Variants in GPRC5A observed in about 807,000 individuals in gnomAD.
The protein encoded by GPRC5A is retinoic acid-induced protein 3.
Under a neutral mutation model 22.5 loss-of-function variants are expected in GPRC5A, and 19 were observed. That is an observed-to-expected ratio of 0.85 (90% CI 0.59 to 1.24). GPRC5A has a LOEUF of 1.24. Among genes scored for constraint, GPRC5A ranks in the 50% most tolerant of loss-of-function variants. GPRC5A has a pLI of 0.00. For missense variants in GPRC5A, 471 were observed against 451.1 expected, an observed-to-expected ratio of 1.04 and a Z score of -0.40; for synonymous variants, 192 against 184.5, an observed-to-expected ratio of 1.04 and a Z score of -0.33.
At position 12,909,107 on chromosome 12, in the gene GPRC5A, T is replaced by C; in HGVS notation, c.858T>C (p.Pro286=). ...DYPVEDAFCK[P]QLVKKSYGVE... is the part of the protein sequence containing the mutation. ...CTGTTGAGGATGCTTTCTGTAAACC[T>C]CAACTCGTGAAGAAGAGCTATGGTG... is the stretch of plus-strand genomic sequence containing the variant. Residue 286 remains proline (P), a synonymous_variant, in exon 2 of 4, where the codon CCT becomes CCC. Transcript: ENST00000014914. 1 of 1,601,522 alleles carries C rather than the reference T, an allele frequency of 6.2e-7. No homozygotes were observed. The highest frequency in any genetic ancestry group is 1.7e-5 in the Admixed American group (1 of 60,006).
chr12:12,909,952 A>AAAT, intron 2 of GPRC5A: 1 of 151,552 alleles, frequency 6.6e-6, no homozygotes, highest in East Asian at 1.9e-4. Flanking sequence ...AAAAAAAAAA[A>AAAT]AAAAAAAAAA....
chr12:12,898,204 A>G (rs2417237), intron 1 of GPRC5A, among the ~76,000 whole-genome samples: 151,040 of 152,316 alleles, frequency 0.99, 74,896 homozygotes, highest in East Asian at 1. Context: ...CTGTTAAAGG[A>G]AGGCATAATA....
chr12:12,899,339 A>G (rs1348496060), intron 1 of GPRC5A, among the ~76,000 whole-genome samples: 1 of 152,196 alleles, frequency 6.6e-6, no homozygotes, highest in Non-Finnish European at 1.5e-5. Flanking sequence ...GCCCCCGGCC[A>G]GGGTTGCTTG....
At chr12:12,904,399 G>A (rs933233307) in intron 1 of GPRC5A, among the ~76,000 whole-genome samples, 7 of 152,122 alleles carry the variant, frequency 4.6e-5, no homozygotes, top group South Asian at 4.1e-4. Context: ...TTGTGGTAGC[G>A]ATGGCTGTGG....
chr12:12,910,195 G>C (rs1863988662), intron 2 of GPRC5A, among the ~76,000 whole-genome samples: 1 of 152,148 alleles, frequency 6.6e-6, no homozygotes, highest in South Asian at 2.1e-4. Flanking sequence ...GCTAAAAATA[G>C]GTCTTTCCTT....
Position 12,900,916 on chromosome 12 carries a change from A to AC in GPRC5A, c.-7-7327_-7-7326insC, listed in dbSNP as rs1444166500. On this transcript the variant is annotated intron_variant, in intron 1 of 3. Coordinates refer to ENST00000014914, the MANE Select transcript of GPRC5A (RefSeq NM_003979.4). ...CAAAAAAAAAAAAAAAAAAAAAACAAAAAAAAAACAACCCAGAAAAACCCA... is the reference window on the plus strand; with the variant it reads ...CAAAAAAAAAAAAAAAAAAAAAACAACAAAAAAAACAACCCAGAAAAACCCA... Among the ~76,000 whole-genome samples, 157 of 138,450 alleles carry AC rather than the reference A, an allele frequency of 1.1e-3. No individual in the cohort carries two copies. In the East Asian group the frequency reaches 0.018, roughly 15 times the overall value. 90.8% of individuals were successfully genotyped at this position (138,450 alleles called of 152,430 possible).
At chr12:12,904,781 T>C (rs1863923895) in intron 1 of GPRC5A, among the ~76,000 whole-genome samples, 1 of 152,112 alleles carries the variant, frequency 6.6e-6, no homozygotes, top group African/African-American at 2.4e-5. Context: ...TATGTATATG[T>C]ATATATTGCA....
In GPRC5A at chr12:12,917,595, C is replaced by G. The variant is rs1464043788; in HGVS notation, c.*5056C>G. 1 of 152,200 alleles carries G rather than the reference C, an allele frequency of 6.6e-6. No individual in the cohort carries two copies. Among genetic ancestry groups the G allele is most frequent in the Non-Finnish European group, 1.5e-5 (1 of 68,066 alleles). 9.4% of individuals were successfully genotyped at this position (152,200 alleles called of 1,614,324 possible). On this transcript the variant is annotated 3_prime_UTR_variant, in exon 4 of 4. Transcript: ENST00000014914. Reference sequence around the variant, plus strand: ...CCTTTCCCTTTGCCTCCCCTGTTGCCTTTTCTTCCCCTGATTTCTCCTCTG... The same window carrying G: ...CCTTTCCCTTTGCCTCCCCTGTTGCGTTTTCTTCCCCTGATTTCTCCTCTG...
chr12:12,892,688 T>A (rs1280600122), intron 1 of GPRC5A, among the ~76,000 whole-genome samples: 1 of 152,108 alleles, frequency 6.6e-6, no homozygotes, highest in South Asian at 2.1e-4. Context: ...TAAACATCCA[T>A]GGGAAAGGCT....
At chr12:12,912,292 G>T in intron 3 of GPRC5A, 150 bp downstream of exon 3, 1 of 846,782 alleles carries the variant, frequency 1.2e-6, no homozygotes. Context: ...GGCCTCACGG[G>T]GTTAGTGGGT....
intron 1 of GPRC5A, among the ~76,000 whole-genome samples, chr12:12,898,139 G>A (rs920317988): frequency 6.6e-6 from 1 of 152,196 alleles, no homozygotes; most frequent in Non-Finnish European, 1.5e-5. Context: ...TGGCTTTTAA[G>A]AGTCATGTAA....
At chr12:12,900,914 C>CAAAAAAA (rs55937595) in intron 1 of GPRC5A, among the ~76,000 whole-genome samples, 2 of 89,746 alleles carry the variant, frequency 2.2e-5, no homozygotes, top group African/African-American at 9.2e-5. Flanking sequence ...AAAAAAAAAA[C>CAAAAAAA]AAAAAAAAAA....
At chr12:12,906,159 G>A (rs953590434) in intron 1 of GPRC5A, among the ~76,000 whole-genome samples, 14 of 152,158 alleles carry the variant, frequency 9.2e-5, no homozygotes, top group African/African-American at 3.4e-4. Context: ...GTATGATGTT[G>A]GGCATGTAAC....
At chr12:12,909,414 C>G in intron 2 of GPRC5A, 1 of 424,030 alleles carries the variant, frequency 2.4e-6, no homozygotes, top group Non-Finnish European at 4.1e-6. Context: ...CTGGGAGAGC[C>G]CTCCTCACTT....
intron 2 of GPRC5A, among the ~76,000 whole-genome samples, chr12:12,911,581 T>C (rs1268850955): frequency 3.3e-5 from 5 of 151,714 alleles, no homozygotes; most frequent in South Asian, 2.1e-4. Context: ...CTCCACCTCC[T>C]GGGTTCACAC....
intron 1 of GPRC5A, among the ~76,000 whole-genome samples, chr12:12,899,680 G>A (rs1863862061): frequency 6.6e-6 from 1 of 152,198 alleles, no homozygotes; most frequent in South Asian, 2.1e-4. Context: ...ATAGGACTCA[G>A]GAGGTGACAG....
In GPRC5A at chr12:12,910,993, C is replaced by T. The variant is rs150997551; in HGVS notation, c.923-1091C>T. ...TCAAGCAATTCTCCTGCCTCAGCCTCCCGAGTAGCTGGGATTACAGACGTG... is the reference window on the plus strand; with the variant it reads ...TCAAGCAATTCTCCTGCCTCAGCCTTCCGAGTAGCTGGGATTACAGACGTG... On this transcript the variant is annotated intron_variant, in intron 2 of 3. Coordinates refer to ENST00000014914, the MANE Select transcript of GPRC5A (RefSeq NM_003979.4). Among the ~76,000 whole-genome samples the T allele has an allele frequency of 6.0e-3, 915 of 151,924 alleles. 10 individuals are homozygous for T. The highest frequency in any genetic ancestry group is 0.021 in the African/African-American group (879 of 41,420).
At chr12:12,911,792 A>C (rs1273953437) in intron 2 of GPRC5A, among the ~76,000 whole-genome samples, 1 of 152,142 alleles carries the variant, frequency 6.6e-6, no homozygotes, top group African/African-American at 2.4e-5. Flanking sequence ...CCAGCCCATG[A>C]CTTTTCAAAT....
intron 1 of GPRC5A, among the ~76,000 whole-genome samples, chr12:12,897,248 G>T (rs1181716425): frequency 2.2e-5 from 2 of 89,774 alleles, no homozygotes; most frequent in Admixed American, 1.1e-4. Flanking sequence ...AAAAAAAAAA[G>T]GCCATAGGAT....
Sources: gnomAD v4.1 joint callset for allele counts (sites outside exome capture counted in the v4.1 genomes callset) on GRCh38, gnomAD v4.1.1 for gene constraint, MANE v1.5 for transcripts, NCBI Gene and HGNC (gene_info 2026-07-23, HGNC 2026-07-21) for gene names.